BLTP1: variants seen among roughly 807,000 people sequenced by gnomAD.
The protein encoded by BLTP1 is bridge-like lipid transfer protein family member 1, also known as fragile site-associated protein.
chr4:122,154,445 A>G, the BLTP1 span: 3 of 985,272 alleles, frequency 3.0e-6, no homozygotes, highest in Non-Finnish European at 3.6e-6. Flanking sequence ...CCTGATTGAC[A>G]AATTAAGTCA....
the BLTP1 span, among the ~76,000 whole-genome samples, chr4:122,186,637 C>G: frequency 6.6e-6 from 1 of 151,918 alleles, no homozygotes; most frequent in African/African-American, 2.4e-5. Context: ...TTTTATGTAG[C>G]AGTTTGTCTG....
chr4:122,269,351 T>G, the BLTP1 span: 1 of 927,122 alleles, frequency 1.1e-6, no homozygotes. Context: ...TACAACAGAC[T>G]AGACCTTCAT....
At chr4:122,286,312 A>T in the BLTP1 span, 1 of 416,224 alleles carries the variant, frequency 2.4e-6, no homozygotes, top group Non-Finnish European at 3.2e-6. Flanking sequence ...TGCCAGTCTT[A>T]ATAAATAATA....
the BLTP1 span, chr4:122,198,461 A>C: frequency 1.0e-6 from 1 of 984,460 alleles, no homozygotes; most frequent in Admixed American, 6.2e-5. Context: ...TCAGTTAAGG[A>C]AGTGCTTCTG....
the BLTP1 span, among the ~76,000 whole-genome samples, chr4:122,310,093 A>C: frequency 1.3e-5 from 2 of 152,070 alleles, no homozygotes; most frequent in African/African-American, 4.8e-5. Flanking sequence ...AGGAGTTAAA[A>C]GGTTATGAAC....
At chr4:122,291,051 CT>C in the BLTP1 span, 1 of 241,272 alleles carries the variant, frequency 4.1e-6, no homozygotes, top group Non-Finnish European at 6.7e-6. Context: ...TTTTCTTAAC[CT>C]TTAGATTGTA....
At chr4:122,327,484 T>C in the BLTP1 span, among the ~76,000 whole-genome samples, 1 of 151,738 alleles carries the variant, frequency 6.6e-6, no homozygotes, top group African/African-American at 2.4e-5. Context: ...ATTGAATCTG[T>C]AGGTGTTTAC....
chr4:122,326,988 T>C, the BLTP1 span, among the ~76,000 whole-genome samples: 1 of 151,786 alleles, frequency 6.6e-6, no homozygotes, highest in Non-Finnish European at 1.5e-5. Context: ...GTAGTTTTAA[T>C]AACAAATTGC....
the BLTP1 span, chr4:122,187,240 G>A: frequency 1.0e-6 from 1 of 979,934 alleles, no homozygotes; most frequent in Non-Finnish European, 1.2e-6. Flanking sequence ...TATGATAAGA[G>A]TGCTCCAGTA....
the BLTP1 span, among the ~76,000 whole-genome samples, chr4:122,290,539 G>A: frequency 2.0e-5 from 3 of 151,834 alleles, no homozygotes; most frequent in East Asian, 1.9e-4. Context: ...TGTAATCCCA[G>A]CACTTTGGGA....
chr4:122,209,194 C>T, the BLTP1 span: 1 of 1,612,278 alleles, frequency 6.2e-7, no homozygotes. Context: ...TTCTACCAGA[C>T]TGCCACCCTA....
the BLTP1 span, chr4:122,218,989 G>T: frequency 4.2e-5 from 8 of 189,198 alleles, no homozygotes; most frequent in African/African-American, 1.9e-4. Flanking sequence ...CCTCGGTATT[G>T]CCTGAGAACT....
At chr4:122,152,645 T>C in the BLTP1 span, 1 of 985,264 alleles carries the variant, frequency 1.0e-6, no homozygotes, top group Non-Finnish European at 1.2e-6. Context: ...CCAGTGTCTC[T>C]GGAACTCAAC....
chr4:122,318,942 G>T, the BLTP1 span, among the ~76,000 whole-genome samples: 1 of 151,822 alleles, frequency 6.6e-6, no homozygotes, highest in African/African-American at 2.4e-5. Context: ...TGTCTTTTTC[G>T]TCTCTCCATT....
At chr4:122,199,565 A>G in the BLTP1 span, 26 of 862,194 alleles carry the variant, frequency 3.0e-5, no homozygotes, top group Non-Finnish European at 4.3e-5. Flanking sequence ...CTTCTAGTTC[A>G]AGAACAGCTA....
At chr4:122,267,002 AT>A in the BLTP1 span, 1 of 1,006,184 alleles carries the variant, frequency 9.9e-7, no homozygotes, top group Non-Finnish European at 1.4e-6. Context: ...AAGAATTATA[AT>A]ACGTTTGTTT....
the BLTP1 span, among the ~76,000 whole-genome samples, chr4:122,184,165 G>T: frequency 2.6e-5 from 4 of 152,096 alleles, no homozygotes; most frequent in Non-Finnish European, 4.4e-5. Context: ...CTTTATAAAT[G>T]AAATCAAAGG....
the BLTP1 span, chr4:122,234,063 A>T: frequency 4.2e-3 from 642 of 152,170 alleles, 2 homozygotes; most frequent in African/African-American, 0.014. Flanking sequence ...TTATTAAAGT[A>T]AAAAAAAAGG....
At chr4:122,224,574 T>C in the BLTP1 span, 11 of 1,613,988 alleles carry the variant, frequency 6.8e-6, no homozygotes, top group Admixed American at 1.7e-5. Flanking sequence ...GCACACGCTA[T>C]GTTCTCAGCA....
Sources: gnomAD v4.1 joint callset for allele counts (sites outside exome capture counted in the v4.1 genomes callset) on GRCh38, gnomAD v4.1.1 for gene constraint, MANE v1.5 for transcripts, NCBI Gene and HGNC (gene_info 2026-07-23, HGNC 2026-07-21) for gene names.